TENM1: variants seen among roughly 807,000 people sequenced by gnomAD.
TENM1 encodes the protein teneurin-1.
A neutral mutation model predicts 174.8 loss-of-function variants in TENM1; 35 were observed. The ratio of observed to expected loss-of-function variants is 0.20; its 90% CI spans 0.15 to 0.27. The LOEUF (loss-of-function observed/expected upper bound fraction) is 0.27, where lower values mean the gene tolerates loss of function less well. Ranked by LOEUF, TENM1 falls within the 10% of genes least tolerant of loss-of-function variation. The probability of loss-of-function intolerance (pLI) is 1.00; values close to 1 mark genes in which losing one functional copy is unlikely to be tolerated. For missense variants in TENM1, 1,633 were observed against 2,130.1 expected (o/e 0.77, Z 4.59); for synonymous variants, 781 against 798.7 (o/e 0.98, Z 0.37).
chrX:124,462,434 G>A (rs1292999292), intron 22 of TENM1, among the ~76,000 whole-genome samples: 1 of 99,051 alleles, frequency 1.0e-5, no homozygotes, highest in Non-Finnish European at 2.0e-5. Flanking sequence ...GTGTGTGTGG[G>A]GGGGGTGGGG....
At chrX:124,958,613 C>A (rs2058611872) in intron 1 of TENM1, among the ~76,000 whole-genome samples, 1 of 111,288 alleles carries the variant, frequency 9.0e-6, no homozygotes, top group African/African-American at 3.3e-5. Flanking sequence ...GTATGGAAGA[C>A]AGTGTGGTAT....
chrX:124,956,455 G>A (rs2058575536), intron 1 of TENM1, among the ~76,000 whole-genome samples: 1 of 111,993 alleles, frequency 8.9e-6, no homozygotes. Flanking sequence ...TCTCAACAGG[G>A]GAAAGAGCAT....
chrX:124,997,679 G>A, the TENM1 span, among the ~76,000 whole-genome samples: 10 of 111,043 alleles, frequency 9.0e-5, no homozygotes, highest in Admixed American at 2.9e-4. Flanking sequence ...CTTAGATTGT[G>A]TACCCTCTCA....
chrX:124,579,841 A>G (rs2049258391), intron 11 of TENM1, among the ~76,000 whole-genome samples: 1 of 112,064 alleles, frequency 8.9e-6, no homozygotes, highest in East Asian at 2.8e-4. Flanking sequence ...TAAATTACTG[A>G]TGAACATAAA....
intron 3 of TENM1, among the ~76,000 whole-genome samples, chrX:124,868,285 T>TA (rs777517939): frequency 2.8e-4 from 31 of 111,511 alleles, no homozygotes; most frequent in Non-Finnish European, 5.1e-4. Flanking sequence ...AACAGACAGA[T>TA]AGACAGTGGA....
At chrX:124,582,497 T>C (rs1221236649) in intron 11 of TENM1, among the ~76,000 whole-genome samples, 4 of 112,260 alleles carry the variant, frequency 3.6e-5, no homozygotes. Context: ...GTGGCTACTA[T>C]AAATGGGATT....
rs2061314015 is a variant in TENM1 at position 124,471,320 on chromosome X, T to TAA, written c.3949+10411_3949+10412insTT. 6.5e-4 allele frequency among the ~76,000 whole-genome samples: 7 copies of TAA among 10,743 alleles called. 2 individuals carry two copies. The highest frequency in any genetic ancestry group is 2.9e-3 in the African/African-American group (7 of 2,432). The allele number at this position is 10,743 out of a possible 115,157, so 9.3% of individuals were successfully genotyped here. A position where few individuals can be genotyped will look rare whatever the true frequency, so the allele number is the denominator to read the frequency against. ...ATATTATAATATATAGTACTATATATTATAATATATAGTACTATATATAAT... is the reference window on the plus strand; with the variant it reads ...ATATTATAATATATAGTACTATATATAATATAATATATAGTACTATATATAAT... On this transcript the variant is annotated intron_variant, in intron 22 of 31. Coordinates refer to ENST00000422452, the Ensembl canonical transcript of TENM1.
intron 22 of TENM1, among the ~76,000 whole-genome samples, chrX:124,467,913 C>A (rs1305629163): frequency 9.1e-6 from 1 of 110,325 alleles, no homozygotes; most frequent in African/African-American, 3.3e-5. Flanking sequence ...CACACGCCAC[C>A]ATGCCCAGCT....
At chrX:124,906,015 C>G (rs1480587848) in intron 1 of TENM1, among the ~76,000 whole-genome samples, 1 of 112,013 alleles carries the variant, frequency 8.9e-6, no homozygotes, top group African/African-American at 3.2e-5. Context: ...TGTTCCTCGA[C>G]TTACAATGGG....
chrX:124,774,209 C>T (rs2054727742), intron 3 of TENM1, among the ~76,000 whole-genome samples: 1 of 111,249 alleles, frequency 9.0e-6, no homozygotes, highest in Non-Finnish European at 1.9e-5. Flanking sequence ...AGAAAGTTGT[C>T]CTAAAAATAT....
At chrX:125,026,775 G>A in the TENM1 span, among the ~76,000 whole-genome samples, 16 of 111,593 alleles carry the variant, frequency 1.4e-4, no homozygotes, top group Non-Finnish European at 2.8e-4. Flanking sequence ...TAACAAAAGC[G>A]AAAACATATG....
intron 3 of TENM1, among the ~76,000 whole-genome samples, chrX:124,881,739 T>C (rs1218887436): frequency 5.5e-5 from 6 of 109,866 alleles, no homozygotes; most frequent in East Asian, 5.6e-4. Context: ...TGTTTTGTTT[T>C]TTTTTTTTAG....
At chrX:124,760,464 T>C (rs1334209454) in intron 3 of TENM1, among the ~76,000 whole-genome samples, 1 of 111,789 alleles carries the variant, frequency 8.9e-6, no homozygotes, top group Non-Finnish European at 1.9e-5. Context: ...CAACACTATG[T>C]TGAATAGGAG....
chrX:124,999,076 T>C, the TENM1 span, among the ~76,000 whole-genome samples: 112 of 111,113 alleles, frequency 1.0e-3, 1 homozygote, highest in East Asian at 0.031. Flanking sequence ...ATGAAGAAAT[T>C]AGATGACTTT....
chrX:124,715,646 C>A (rs1398686014), intron 4 of TENM1, among the ~76,000 whole-genome samples: 1 of 95,524 alleles, frequency 1.0e-5, no homozygotes, highest in Non-Finnish European at 2.1e-5. Flanking sequence ...CTTTTCTTTT[C>A]TTTTCTTTCT....
At chrX:124,890,935 G>A (rs1423726357) in intron 3 of TENM1, among the ~76,000 whole-genome samples, 2 of 111,641 alleles carry the variant, frequency 1.8e-5, no homozygotes, top group Non-Finnish European at 3.8e-5. Context: ...AGAAAACGTA[G>A]TACATATACA....
intron 23 of TENM1, among the ~76,000 whole-genome samples, chrX:124,436,913 A>G (rs758779389): frequency 9.8e-6 from 1 of 101,713 alleles, no homozygotes; most frequent in African/African-American, 3.6e-5. Flanking sequence ...TAACGAATGT[A>G]CTTTCTGTTT....
At chrX:124,965,804 C>T (rs1406706304), upstream of TENM1, among the ~76,000 whole-genome samples, 1 of 111,418 alleles carries the variant, frequency 9.0e-6, no homozygotes, top group Non-Finnish European at 1.9e-5. Context: ...TTTATAGCTT[C>T]AGCATGGGTC....
At chrX:124,509,094 C>T (rs866074049) in intron 18 of TENM1, among the ~76,000 whole-genome samples, 3 of 104,654 alleles carry the variant, frequency 2.9e-5, no homozygotes, top group Non-Finnish European at 5.9e-5. Context: ...CACACACAAA[C>T]ACACACACAC....
Sources: gnomAD v4.1 joint callset for allele counts (sites outside exome capture counted in the v4.1 genomes callset) on GRCh38, gnomAD v4.1.1 for gene constraint, MANE v1.5 for transcripts, NCBI Gene and HGNC (gene_info 2026-07-23, HGNC 2026-07-21) for gene names.